The following NLRP5 variants were observed in gnomAD, a reference collection of about 807,000 sequenced individuals.
NLRP5 encodes NACHT, LRR and PYD domains-containing protein 5.
Under a neutral mutation model 113.1 loss-of-function variants are expected in NLRP5, and 93 were observed. The ratio of observed to expected loss-of-function variants is 0.82; its 90% CI spans 0.70 to 0.98. The LOEUF (loss-of-function observed/expected upper bound fraction) is 0.98, where lower values mean the gene tolerates loss of function less well. Among genes scored for constraint, NLRP5 ranks in the 50% least tolerant of loss-of-function variants. The pLI, the probability that NLRP5 is intolerant of heterozygous loss-of-function variation, is 0.00. For synonymous variants in NLRP5, 751 were observed against 600.7 expected (o/e 1.25, Z -3.66); for missense variants, 1,808 against 1,514.3 (o/e 1.19, Z -3.22).
rs1568494296 is a variant in NLRP5 at position 56,033,643 on chromosome 19, A to G, written c.2549A>G (p.Lys850Arg). 6.2e-7 allele frequency: 1 copy of G among 1,613,942 alleles called. No homozygotes were observed. Among genetic ancestry groups the G allele is most frequent in the South Asian group, 1.1e-5 (1 of 91,088 alleles). Residue 850 changes from lysine (K) to arginine (R), a missense_variant, in exon 9 of 15, where the codon AAG (lysine) becomes AGG (arginine). Physicochemically the swap from Lys to Arg is conservative, Grantham distance 26 (BLOSUM62 2). Coordinates refer to ENST00000390649, the MANE Select transcript of NLRP5 (RefSeq NM_153447.4). ...CTCAACTTGGGAGGCACCCACCTGA[A>G]GGAAGAGGATGTAAGGATGGCGTGT...
rs995763910 is a variant in NLRP5 at position 56,027,716 on chromosome 19, A to G, written c.1483A>G (p.Asn495Asp). ...GGTGGGGGAGAGCGTCGCCCCCTTCAACCAAACGCTCACAGGCCTGCACGC... is the reference window on the plus strand; with the variant it reads ...GGTGGGGGAGAGCGTCGCCCCCTTCGACCAAACGCTCACAGGCCTGCACGC... The change falls in exon 7 of 15, where the codon AAC becomes GAC. Residue 495 changes from asparagine to aspartate, a missense_variant. By Grantham distance (23) the Asn-to-Asp change is conservative (BLOSUM62 1). Transcript: ENST00000390649. The G allele has an allele frequency of 1.2e-6, 2 of 1,613,552 alleles. No homozygotes were observed. Among genetic ancestry groups the G allele is most frequent in the South Asian group, 1.1e-5 (1 of 91,074 alleles).
At chr19:56,052,459 G>A (rs1379341359) in intron 12 of NLRP5, among the ~76,000 whole-genome samples, 1 of 151,906 alleles carries the variant, frequency 6.6e-6, no homozygotes. Flanking sequence ...TAGTAGAGAC[G>A]GGGTTTCACC....
chr19:56,028,798 C>G (rs1030405316), intron 7 of NLRP5, among the ~76,000 whole-genome samples: 3 of 152,160 alleles, frequency 2.0e-5, no homozygotes, highest in Admixed American at 6.5e-5. Context: ...CAGAGTCTCA[C>G]TCTGTTGCCA....
At chr19:56,050,389 ATCT>A (rs773622418) in intron 11 of NLRP5, 26 bp from the exon 12 acceptor site, 400 of 1,607,488 alleles carry the variant, frequency 2.5e-4, no homozygotes, top group Non-Finnish European at 3.3e-4. Context: ...GAGCATCACG[ATCT>A]TCTTTCCCAT....
rs199475771 is a variant in NLRP5, at chr19:56,020,771, T to C, written c.679+340T>C. ...CTTCAAACTTAAGTGGTAGTAATTA[T>C]TTTTGTAATTCCTTCTATCAACTAA... On this transcript the variant is annotated intron_variant, in intron 6 of 14. Transcript: ENST00000390649. Among the ~76,000 whole-genome samples the C allele has an allele frequency of 0.016, 2,442 of 151,448 alleles. 77 individuals are homozygous for C. Among genetic ancestry groups the C allele is most frequent in the African/African-American group, 0.055 (2,277 of 41,038 alleles).
chr19:56,001,257 C>G (rs984480215), intron 1 of NLRP5, among the ~76,000 whole-genome samples: 1 of 142,464 alleles, frequency 7.0e-6, no homozygotes, highest in African/African-American at 2.6e-5. Context: ...CCCAGGAGTT[C>G]GAGGCTGCAG....
chr19:56,023,082 G>T (rs75943012), intron 6 of NLRP5, among the ~76,000 whole-genome samples: 11,594 of 152,238 alleles, frequency 0.076, 728 homozygotes, highest in African/African-American at 0.16. Context: ...CCCTTAAAGG[G>T]GCGAGTTAGA....
intron 9 of NLRP5, among the ~76,000 whole-genome samples, chr19:56,036,232 T>C (rs1423022065): frequency 6.6e-6 from 1 of 150,960 alleles, no homozygotes; most frequent in Non-Finnish European, 1.5e-5. Context: ...CCCGGCTAAT[T>C]TTTTTGTATT....
chr19:56,012,976 A>C (rs1028106527), intron 3 of NLRP5, among the ~76,000 whole-genome samples: 1 of 152,142 alleles, frequency 6.6e-6, no homozygotes, highest in African/African-American at 2.4e-5. Context: ...TGTATTAACA[A>C]AGTTGTGTAA....
chr19:56,000,413 G>A (rs1981597793), intron 1 of NLRP5, among the ~76,000 whole-genome samples: 3 of 152,002 alleles, frequency 2.0e-5, no homozygotes, highest in South Asian at 4.2e-4. Flanking sequence ...CACCCAGGCT[G>A]GAGTGCAGTG....
rs1310085273 is a variant in NLRP5 at position 56,027,350 on chromosome 19, A to G, written c.1117A>G (p.Asn373Asp). ...CGATGACCTGGGCTCTGTCCTCAAC[A>G]ATGACACAAAGCTCTGCAAAGACTG... is the stretch of plus-strand genomic sequence containing the variant. The change falls in exon 7 of 15, where the codon AAT becomes GAT. Residue 373 changes from asparagine to aspartate, a missense_variant. Transcript: ENST00000390649. 6.2e-7 allele frequency: 1 copy of G among 1,613,266 alleles called. No homozygotes were observed. Among genetic ancestry groups the G allele is most frequent in the Non-Finnish European group, 8.5e-7 (1 of 1,179,808 alleles).
At chr19:56,011,981 C>T (rs779276096) in intron 3 of NLRP5, among the ~76,000 whole-genome samples, 10 of 151,378 alleles carry the variant, frequency 6.6e-5, no homozygotes, top group Non-Finnish European at 5.9e-5. Context: ...CATGAGCCAC[C>T]GCACCCAGCC....
chr19:56,003,076 T>A (rs1599875875), intron 1 of NLRP5, among the ~76,000 whole-genome samples: 1 of 150,960 alleles, frequency 6.6e-6, no homozygotes, highest in Admixed American at 6.6e-5. Flanking sequence ...GAACTAGAAA[T>A]ACCATTTGAC....
chr19:56,028,050 C>T lies in NLRP5; in HGVS notation c.1817C>T (p.Ala606Val), dbSNP rs758743860. The stretch of plus-strand genomic sequence containing the variant: ...TTAGAGGGCCTGGAAATCGAGCCAG[C>T]TCTCTGCCCTCTGTACGTTGAGAAG... Residue 606 changes from alanine (A) to valine (V), a missense_variant, in exon 7 of 15, where the codon GCT becomes GTT. Coordinates refer to ENST00000390649, the MANE Select transcript of NLRP5 (RefSeq NM_153447.4). The T allele has an allele frequency of 1.9e-5, 30 of 1,613,906 alleles. No homozygotes were observed. In the South Asian group the frequency reaches 3.0e-4, roughly 16 times the overall value.
intron 3 of NLRP5, among the ~76,000 whole-genome samples, chr19:56,010,061 A>T (rs968773856): frequency 5.3e-5 from 8 of 152,224 alleles, no homozygotes; most frequent in Non-Finnish European, 8.8e-5. Flanking sequence ...TAACCTTGAT[A>T]GTAGGACTGA....
intron 1 of NLRP5, among the ~76,000 whole-genome samples, chr19:56,001,337 AAAC>A: frequency 1.2e-5 from 1 of 85,474 alleles, no homozygotes; most frequent in Non-Finnish European, 2.2e-5. Context: ...AAAAAAAAAC[AAAC>A]AAAAAACACC....
Position 56,040,917 on chromosome 19 carries a change from T to C in NLRP5, c.2787-5T>C, listed in dbSNP as rs1159448238. 5.6e-6 allele frequency: 9 copies of C among 1,613,050 alleles called. 1 individual carries two copies. In the South Asian group the frequency reaches 9.9e-5, roughly 18 times the overall value. ...CATGTCCTCTCTGGGGCTCTCTTCT[T>C]GCAGACTGGAGGACTGTGGCATCAC... On this transcript the variant is annotated splice_region_variant and splice_polypyrimidine_tract_variant and intron_variant, in intron 10 of 14. Transcript: ENST00000390649.
chr19:56,029,990 G>A (rs1406622313), intron 7 of NLRP5, among the ~76,000 whole-genome samples: 2 of 152,000 alleles, frequency 1.3e-5, no homozygotes, highest in South Asian at 2.1e-4. Flanking sequence ...AGGAGGCAGA[G>A]GTTGCAGTGA....
chr19:56,051,381 C>A (rs921251209), intron 12 of NLRP5, among the ~76,000 whole-genome samples: 3 of 152,018 alleles, frequency 2.0e-5, no homozygotes, highest in Non-Finnish European at 2.9e-5. Context: ...TTAGTAGAGA[C>A]GGAGTTTCAC....
Sources: allele counts gnomAD v4.1 joint callset (sites outside exome capture counted in the v4.1 genomes callset), GRCh38; gene constraint gnomAD v4.1.1; transcripts MANE v1.5; gene names NCBI Gene and HGNC (gene_info 2026-07-23, HGNC 2026-07-21).